Variants in ELMOD1 observed in about 807,000 individuals in gnomAD.
ELMOD1 encodes the protein ELMO domain containing 1, also known as ELMO domain-containing protein 1.
ELMOD1 carries 21 observed loss-of-function variants against 46.7 expected under a neutral mutation model. That is an observed-to-expected ratio of 0.45 (90% CI 0.32 to 0.65). ELMOD1 has a LOEUF of 0.65. Ranked by LOEUF, ELMOD1 falls within the 30% of genes least tolerant of loss-of-function variation. The pLI is 0.04. For synonymous variants in ELMOD1, 122 were observed against 138.2 expected (o/e 0.88, Z 0.82); for missense variants, 348 against 407.8 (o/e 0.85, Z 1.26).
chr11:107,601,416 C>CTTTTTT (rs56341702), intron 1 of ELMOD1, among the ~76,000 whole-genome samples: 5 of 122,120 alleles, frequency 4.1e-5, no homozygotes, highest in Admixed American at 2.7e-4. Flanking sequence ...TTAATTTTTT[C>CTTTTTT]TTTTTTTTTT....
intron 11 of ELMOD1, among the ~76,000 whole-genome samples, chr11:107,657,629 A>C (rs550514): frequency 0.24 from 36,726 of 152,138 alleles, 8,958 homozygotes; most frequent in African/African-American, 0.62. Context: ...TTACTACCTT[A>C]CCAATCAAGT....
intron 2 of ELMOD1, chr11:107,623,482 C>CA (rs1490361905): frequency 6.6e-6 from 1 of 152,230 alleles, no homozygotes; most frequent in Non-Finnish European, 1.5e-5. Context: ...AAGCCACGGG[C>CA]ACTCAATAAA....
At chr11:107,619,990 A>G (rs900595451) in intron 2 of ELMOD1, 4 of 152,240 alleles carry the variant, frequency 2.6e-5, no homozygotes, top group African/African-American at 9.6e-5. Flanking sequence ...AAATAATAAA[A>G]GGAAACTTGA....
chr11:107,593,815 C>T (rs1343916572), intron 1 of ELMOD1, among the ~76,000 whole-genome samples: 1 of 152,176 alleles, frequency 6.6e-6, no homozygotes, highest in Non-Finnish European at 1.5e-5. Context: ...ATTTTTCTGG[C>T]AACCTTAGTT....
chr11:107,625,700 T>C (rs376247543), intron 2 of ELMOD1, among the ~76,000 whole-genome samples: 2 of 152,218 alleles, frequency 1.3e-5, no homozygotes, highest in East Asian at 1.9e-4. Flanking sequence ...ATAATTTACA[T>C]TGGGTGGCTA....
chr11:107,649,472 A>G (rs1312601139), intron 7 of ELMOD1, among the ~76,000 whole-genome samples: 2 of 152,248 alleles, frequency 1.3e-5, no homozygotes, highest in Non-Finnish European at 2.9e-5. Context: ...ATTATTCTCT[A>G]TAAGGTTATT....
At chr11:107,638,053 T>G (rs1341709313) in intron 6 of ELMOD1, among the ~76,000 whole-genome samples, 1 of 152,202 alleles carries the variant, frequency 6.6e-6, no homozygotes, top group Non-Finnish European at 1.5e-5. Context: ...ATAGTACATT[T>G]CTGCCATGCT....
At chr11:107,594,294 T>C (rs927730333) in intron 1 of ELMOD1, among the ~76,000 whole-genome samples, 4 of 150,478 alleles carry the variant, frequency 2.7e-5, no homozygotes, top group African/African-American at 9.7e-5. Context: ...AAAATCTCTG[T>C]GTTAATAGTT....
rs556668973 is a variant in ELMOD1 at position 107,592,060 on chromosome 11, C to T, written c.-86+651C>T. On this transcript the variant is annotated intron_variant, in intron 1 of 11. Coordinates refer to ENST00000265840, the MANE Select transcript of ELMOD1 (RefSeq NM_018712.4). ...TGACAGCTGACGGGGCTGTTAAAAG[C>T]AGAGCAGTGGAGTGTGGTGGTGGGG... 24 of 463,492 alleles carry T rather than the reference C, an allele frequency of 5.2e-5. No homozygotes were observed. In the East Asian group the frequency reaches 9.3e-4, roughly 18 times the overall value. The allele number at this position is 463,492 out of a possible 1,614,324, so 28.7% of individuals were successfully genotyped here. A position where few individuals can be genotyped will look rare whatever the true frequency, so the allele number is the denominator to read the frequency against.
chr11:107,607,371 G>A (rs1865703189), intron 1 of ELMOD1, among the ~76,000 whole-genome samples: 1 of 152,108 alleles, frequency 6.6e-6, no homozygotes, highest in South Asian at 2.1e-4. Context: ...AAGAAATAGG[G>A]CAGGCCAGGT....
chr11:107,656,171 T>C (rs1866628182), intron 11 of ELMOD1, 105 bp downstream of exon 11: 13 of 1,267,178 alleles, frequency 1.0e-5, no homozygotes, highest in Non-Finnish European at 1.4e-5. Flanking sequence ...GTGGATTGCC[T>C]GAGCTCAGGA....
chr11:107,611,008 A>AAG (rs1865770582), intron 1 of ELMOD1, among the ~76,000 whole-genome samples: 1 of 150,850 alleles, frequency 6.6e-6, no homozygotes, highest in African/African-American at 2.4e-5. Context: ...CAAAAAAAAA[A>AAG]AAAAAAAAAG....
At chr11:107,632,376 T>C (rs1483546497) in intron 5 of ELMOD1, among the ~76,000 whole-genome samples, 2 of 152,222 alleles carry the variant, frequency 1.3e-5, no homozygotes, top group Non-Finnish European at 2.9e-5. Flanking sequence ...AACTGTCTTT[T>C]AGATGTTCGT....
At chr11:107,656,089 A>T in intron 11 of ELMOD1, 23 bp downstream of exon 11, 1 of 1,551,168 alleles carries the variant, frequency 6.4e-7, no homozygotes, top group Non-Finnish European at 8.7e-7. Context: ...TTGTATAATT[A>T]TCAATATAGG....
chr11:107,601,199 A>G (rs1315648896), intron 1 of ELMOD1, among the ~76,000 whole-genome samples: 2 of 152,026 alleles, frequency 1.3e-5, no homozygotes, highest in East Asian at 1.9e-4. Flanking sequence ...TTTCCACTAC[A>G]GAAGTGAAAA....
intron 11 of ELMOD1, among the ~76,000 whole-genome samples, chr11:107,664,119 C>T (rs765694938): frequency 1.4e-4 from 22 of 152,062 alleles, no homozygotes; most frequent in Non-Finnish European, 2.6e-4. Flanking sequence ...ACAACTGGGA[C>T]TACAGGCATG....
At chr11:107,601,757 T>C in intron 1 of ELMOD1, among the ~76,000 whole-genome samples, 1 of 152,156 alleles carries the variant, frequency 6.6e-6, no homozygotes, top group East Asian at 1.9e-4. Flanking sequence ...TATCTATTAA[T>C]GAATATCCCA....
intron 2 of ELMOD1, chr11:107,625,617 T>A: frequency 1.0e-6 from 1 of 956,432 alleles, no homozygotes; most frequent in Non-Finnish European, 1.2e-6. Flanking sequence ...CCCTCCTGAA[T>A]GGATTCCTCT....
rs1436594150 is a variant in ELMOD1, at chr11:107,650,365, T to C, written c.585T>C (p.Ala195=). ...QYFAERDATA[A]QQVLSDSLHP... ...TCGCGGAAAGGGATGCCACAGCAGC[T>C]CAGCAGGTCCTGTCTGACTCTCTTC... Residue 195 remains alanine, a synonymous_variant, in exon 8 of 12, where the codon GCT becomes GCC. Transcript: ENST00000265840. 1 of 1,593,314 alleles carries C rather than the reference T, an allele frequency of 6.3e-7. No individual in the cohort carries two copies. The highest frequency in any genetic ancestry group is 8.6e-7 in the Non-Finnish European group (1 of 1,169,128).
Sources: allele counts gnomAD v4.1 joint callset (sites outside exome capture counted in the v4.1 genomes callset), GRCh38; gene constraint gnomAD v4.1.1; transcripts MANE v1.5; gene names NCBI Gene and HGNC (gene_info 2026-07-23, HGNC 2026-07-21).